ACACA: variants seen among roughly 807,000 people sequenced by gnomAD.
ACACA encodes the protein acetyl-CoA carboxylase 1.
A neutral mutation model predicts 296.1 loss-of-function variants in ACACA; 103 were observed. The observed-to-expected ratio is 0.35, with a 90% CI of 0.30 to 0.41. The LOEUF (loss-of-function observed/expected upper bound fraction) is 0.41. Among genes scored for constraint, ACACA ranks in the 10% least tolerant of loss-of-function variants. The pLI is 1.00. For missense variants in ACACA, 1,554 were observed against 2,989.7 expected, an observed-to-expected ratio of 0.52 and a Z score of 11.20; for synonymous variants, 953 against 1,038.6, an observed-to-expected ratio of 0.92 and a Z score of 1.58.
intron 3 of ACACA, among the ~76,000 whole-genome samples, chr17:37,292,741 G>C (rs1191403772): frequency 6.6e-6 from 1 of 152,220 alleles, no homozygotes; most frequent in Non-Finnish European, 1.5e-5. Flanking sequence ...GTGTGTGCCT[G>C]TAGTCCCAGC....
intron 3 of ACACA, among the ~76,000 whole-genome samples, chr17:37,309,206 T>A (rs1330821337): frequency 6.6e-6 from 1 of 152,044 alleles, no homozygotes; most frequent in East Asian, 1.9e-4. Context: ...AATTTTTTTT[T>A]GTAGAGTATA....
intron 5 of ACACA, among the ~76,000 whole-genome samples, chr17:37,281,161 T>C (rs964612491): frequency 6.6e-6 from 1 of 151,480 alleles, no homozygotes. Flanking sequence ...CCTGGGTTCA[T>C]GCGATTCTCC....
At chr17:37,255,055 C>T (rs1005256530) in intron 14 of ACACA, among the ~76,000 whole-genome samples, 2 of 151,240 alleles carry the variant, frequency 1.3e-5, no homozygotes, top group Admixed American at 6.6e-5. Flanking sequence ...GAGCTGAGAT[C>T]GTGCCACTGC....
intron 3 of ACACA, among the ~76,000 whole-genome samples, chr17:37,327,516 A>G (rs983833744): frequency 6.6e-6 from 1 of 152,214 alleles, no homozygotes; most frequent in African/African-American, 2.4e-5. Flanking sequence ...AAGGCATGCA[A>G]AGAAATTCCA....
chr17:37,381,849 G>C (rs1241818447), intron 1 of ACACA, among the ~76,000 whole-genome samples: 3 of 151,504 alleles, frequency 2.0e-5, no homozygotes, highest in Non-Finnish European at 1.5e-5. Flanking sequence ...GGATGGTCTC[G>C]ATCGCCTGAC....
At position 37,383,024 on chromosome 17, in the gene ACACA, G is replaced by A. The variant is rs955608815; in HGVS notation, c.38+23238C>T. On this transcript the variant is annotated intron_variant, in intron 1 of 55. Coordinates refer to ENST00000616317, the MANE Select transcript of ACACA (RefSeq NM_198834.3). ...TGCATTCCAGTCTGGGCAATAGAGC[G>A]AGACTCCATCTGAAAAAATAAACAA... is the stretch of plus-strand genomic sequence containing the variant. Among the ~76,000 whole-genome samples, 5 of 152,174 alleles carry A rather than the reference G, an allele frequency of 3.3e-5. No individual in the cohort carries two copies. In the East Asian group the frequency reaches 5.8e-4, roughly 18 times the overall value.
intron 24 of ACACA, among the ~76,000 whole-genome samples, chr17:37,237,709 A>ATTTTTTAGGTATATATTTTGTAAATATC (rs1555610447): frequency 6.6e-6 from 1 of 152,114 alleles, no homozygotes; most frequent in Non-Finnish European, 1.5e-5. Flanking sequence ...ACTTCTAATT[A>ATTTTTTAGGTATATATTTTGTAAATATC]TTTTTTAGGT....
intron 3 of ACACA, among the ~76,000 whole-genome samples, chr17:37,328,493 G>A (rs1370183746): frequency 6.6e-6 from 1 of 152,064 alleles, no homozygotes; most frequent in African/African-American, 2.4e-5. Flanking sequence ...ACAATTCTAG[G>A]AACCTGTGAA....
At chr17:37,196,562 C>G (rs1007741423) in intron 35 of ACACA, among the ~76,000 whole-genome samples, 1 of 151,286 alleles carries the variant, frequency 6.6e-6, no homozygotes, top group African/African-American at 2.4e-5. Flanking sequence ...AAGAAGAAGT[C>G]CTGAAAATTT....
At chr17:37,215,883 A>G (rs1011541828) in intron 29 of ACACA, among the ~76,000 whole-genome samples, 1 of 152,074 alleles carries the variant, frequency 6.6e-6, no homozygotes, top group Admixed American at 6.6e-5. Context: ...AAAACTCACT[A>G]AAGGGCTGGG....
At chr17:37,253,865 G>A (rs1350311516) in intron 14 of ACACA, among the ~76,000 whole-genome samples, 1 of 151,884 alleles carries the variant, frequency 6.6e-6, no homozygotes, top group East Asian at 1.9e-4. Context: ...CAACTCTCTG[G>A]GTGCAGTCAT....
chr17:37,315,581 T>C (rs1361014197), intron 3 of ACACA, among the ~76,000 whole-genome samples: 1 of 152,162 alleles, frequency 6.6e-6, no homozygotes, highest in Non-Finnish European at 1.5e-5. Context: ...AATCGGAGAT[T>C]CCCATGACCC....
chr17:37,158,280 G>A (rs1156473151), intron 42 of ACACA, among the ~76,000 whole-genome samples: 1 of 152,068 alleles, frequency 6.6e-6, no homozygotes, highest in Non-Finnish European at 1.5e-5. Flanking sequence ...TGTGTTCAGG[G>A]GTAAGATATA....
chr17:37,121,229 G>T, intron 50 of ACACA, 126 bp downstream of exon 50: 1 of 1,256,804 alleles, frequency 8.0e-7, no homozygotes, highest in Non-Finnish European at 1.2e-6. Context: ...TCTCAGAGAG[G>T]GCAGAATCCC....
intron 3 of ACACA, among the ~76,000 whole-genome samples, chr17:37,323,268 A>G (rs1035067068): frequency 3.9e-5 from 6 of 152,244 alleles, no homozygotes; most frequent in African/African-American, 1.4e-4. Flanking sequence ...ACATCCTGCA[A>G]GGGAGATGAG....
At position 37,093,658 on chromosome 17, in the gene ACACA, G is replaced by A. The variant is rs138689066; in HGVS notation, c.6891+3338C>T. 1.6e-4 allele frequency among the ~76,000 whole-genome samples: 25 copies of A among 152,176 alleles called. No homozygotes were observed. The East Asian group carries it at 4.3e-3, about 26-fold the overall frequency. On this transcript the variant is annotated intron_variant, in intron 54 of 55. Coordinates refer to ENST00000616317, the MANE Select transcript of ACACA (RefSeq NM_198834.3). The stretch of plus-strand genomic sequence containing the variant: ...GACTACATGTGTGTGCCACGACACC[G>A]AGCAAATTTTAAAATTTTTTGTGAA...
At chr17:37,122,499 G>C (rs370458216) in intron 49 of ACACA, 32 bp downstream of exon 49, 29 of 1,576,570 alleles carry the variant, frequency 1.8e-5, no homozygotes, top group Non-Finnish European at 2.2e-5. Flanking sequence ...AACCCTCCAA[G>C]CACAGCCCCC....
intron 6 of ACACA, among the ~76,000 whole-genome samples, chr17:37,277,516 G>A (rs542242529): frequency 6.6e-6 from 1 of 152,058 alleles, no homozygotes; most frequent in South Asian, 2.1e-4. Context: ...TTCCTCTTTG[G>A]GCTTTAAGGT....
intron 3 of ACACA, among the ~76,000 whole-genome samples, chr17:37,291,421 C>T (rs577319905): frequency 6.6e-6 from 1 of 152,110 alleles, no homozygotes; most frequent in African/African-American, 2.4e-5. Flanking sequence ...GGTGATCCAC[C>T]CGCCTCAGCC....
Sources: gnomAD v4.1 joint callset for allele counts (sites outside exome capture counted in the v4.1 genomes callset) on GRCh38, gnomAD v4.1.1 for gene constraint, MANE v1.5 for transcripts, NCBI Gene and HGNC (gene_info 2026-07-23, HGNC 2026-07-21) for gene names.